The following CNTNAP4 variants were observed in gnomAD, a reference collection of about 807,000 sequenced individuals.
CNTNAP4 encodes the protein contactin associated protein family member 4, also known as contactin-associated protein-like 4.
A neutral mutation model predicts 148.4 loss-of-function variants in CNTNAP4; 98 were observed. The observed-to-expected ratio is 0.66, with a 90% CI of 0.56 to 0.78. The LOEUF is 0.78. CNTNAP4 is among the 30% of genes least tolerant of loss of function. The pLI is 0.00. For synonymous variants in CNTNAP4, 730 were observed against 565.1 expected, an observed-to-expected ratio of 1.29 and a Z score of -4.14; for missense variants, 1,935 against 1,565.6, an observed-to-expected ratio of 1.24 and a Z score of -3.98.
chr16:76,391,634 A>T (rs911391436), intron 3 of CNTNAP4, among the ~76,000 whole-genome samples: 1 of 152,138 alleles, frequency 6.6e-6, no homozygotes. Context: ...CCCACTTCGG[A>T]TCTACCCAAT....
chr16:76,500,205 G>C (rs910945802), intron 15 of CNTNAP4, among the ~76,000 whole-genome samples: 15 of 151,718 alleles, frequency 9.9e-5, no homozygotes, highest in African/African-American at 3.6e-4. Flanking sequence ...CCTCCCTCCC[G>C]GACGGGGCGG....
At chr16:76,454,127 T>TTTC (rs1432530776) in intron 8 of CNTNAP4, among the ~76,000 whole-genome samples, 1 of 151,292 alleles carries the variant, frequency 6.6e-6, no homozygotes, top group African/African-American at 2.4e-5. Flanking sequence ...TTTTTTTTTT[T>TTTC]TTCTGAGATG....
chr16:76,427,587 G>A lies in CNTNAP4; in HGVS notation c.526G>A (p.Gly176Arg), dbSNP rs770829025. The A allele has an allele frequency of 9.3e-6, 15 of 1,609,678 alleles. No individual in the cohort carries two copies. The highest frequency in any genetic ancestry group is 4.5e-5 in the East Asian group (2 of 44,780). The change falls in exon 4 of 24, where the codon GGA becomes AGA. Residue 176 changes from glycine to arginine, a missense_variant. Coordinates refer to ENST00000611870, the MANE Select transcript of CNTNAP4 (RefSeq NM_033401.5). ...GRIGMRIEVF[G>R]CAYRSEVVDL... is the part of the protein sequence containing the mutation. ...AATTGGAATGCGAATCGAAGTGTTCGGATGTGCATACAGTAAGTGTTTGTT... is the reference window on the plus strand; with the variant it reads ...AATTGGAATGCGAATCGAAGTGTTCAGATGTGCATACAGTAAGTGTTTGTT...
intron 1 of CNTNAP4, among the ~76,000 whole-genome samples, chr16:76,290,806 A>C (rs531773336): frequency 1.2e-4 from 18 of 152,274 alleles, no homozygotes; most frequent in South Asian, 1.0e-3. Context: ...CCACAGAATG[A>C]GTGGCTTAAA....
chr16:76,470,498 A>T lies in CNTNAP4; in HGVS notation c.1655+2975A>T, dbSNP rs867617675. Among the ~76,000 whole-genome samples the T allele has an allele frequency of 3.7e-4, 12 of 32,432 alleles. No homozygotes were observed. In the South Asian group the frequency reaches 7.0e-3, roughly 19 times the overall value. 21.3% of individuals were successfully genotyped at this position (32,432 alleles called of 152,430 possible). ...TCTACTAATAATATATATATATATA[A>T]AATTAGTCGGGCATGGTGGCACATG... On this transcript the variant is annotated intron_variant, in intron 10 of 23. Coordinates refer to ENST00000611870, the MANE Select transcript of CNTNAP4 (RefSeq NM_033401.5).
At position 76,522,206 on chromosome 16, in the gene CNTNAP4, GCC is replaced by G; in HGVS notation, c.2708_2709del (p.Pro903ArgfsTer2). On this transcript the variant is annotated frameshift_variant, in exon 17 of 24. Coordinates refer to ENST00000611870, the MANE Select transcript of CNTNAP4 (RefSeq NM_033401.5). LOFTEE classifies it high-confidence loss of function. ...TCAGCTGACACCAAAGACACAGCCC[GCC>G]CCCGCTGATGGGCATGTCCTGTTAC... is the stretch of plus-strand genomic sequence containing the variant. ...VDQLTPKTQP[A>X]PADGHVLLQL... 1 of 1,613,882 alleles carries G rather than the reference GCC, an allele frequency of 6.2e-7. No individual in the cohort carries two copies. The highest frequency in any genetic ancestry group is 8.5e-7 in the Non-Finnish European group (1 of 1,179,866).
At chr16:76,502,370 CTT>C (rs199615956) in intron 15 of CNTNAP4, among the ~76,000 whole-genome samples, 29 of 130,852 alleles carry the variant, frequency 2.2e-4, no homozygotes, top group East Asian at 4.4e-4. Flanking sequence ...GCCATAGGTA[CTT>C]TTTTTTTTTT....
chr16:76,382,269 A>C (rs970754885), intron 3 of CNTNAP4, among the ~76,000 whole-genome samples: 4 of 152,138 alleles, frequency 2.6e-5, no homozygotes, highest in African/African-American at 9.6e-5. Flanking sequence ...TGGAACAAAT[A>C]AACTATTTGT....
At chr16:76,332,491 T>G (rs563364042) in intron 2 of CNTNAP4, among the ~76,000 whole-genome samples, 2 of 152,274 alleles carry the variant, frequency 1.3e-5, no homozygotes, top group East Asian at 1.9e-4. Flanking sequence ...CTTGAACTCT[T>G]GGGCTCAAGC....
intron 12 of CNTNAP4, among the ~76,000 whole-genome samples, chr16:76,487,893 G>A (rs2082081471): frequency 6.6e-6 from 1 of 152,166 alleles, no homozygotes; most frequent in African/African-American, 2.4e-5. Flanking sequence ...TTGTGACCCA[G>A]TGGATGCTAA....
chr16:76,316,602 A>T, intron 2 of CNTNAP4, 79 bp downstream of exon 2: 5 of 899,800 alleles, frequency 5.6e-6, no homozygotes, highest in Non-Finnish European at 9.1e-6. Flanking sequence ...AGTCATTATG[A>T]ATGATACATG....
At chr16:76,406,809 G>A (rs1374491151) in intron 3 of CNTNAP4, among the ~76,000 whole-genome samples, 1 of 152,182 alleles carries the variant, frequency 6.6e-6, no homozygotes, top group African/African-American at 2.4e-5. Flanking sequence ...CTGGAAGCTA[G>A]CAGAGGTTGG....
At chr16:76,552,851 T>A (rs1012116819) in intron 21 of CNTNAP4, among the ~76,000 whole-genome samples, 11 of 152,156 alleles carry the variant, frequency 7.2e-5, no homozygotes, top group Non-Finnish European at 1.2e-4. Context: ...CTCAATTTTC[T>A]CTCTAGTTTC....
intron 1 of CNTNAP4, among the ~76,000 whole-genome samples, chr16:76,298,482 A>ATGTGTGTGTG (rs1491431951): frequency 8.0e-6 from 1 of 125,698 alleles, no homozygotes; most frequent in African/African-American, 4.1e-5. Flanking sequence ...ATGTGTGTAC[A>ATGTGTGTGTG]TGTATGTGTG....
chr16:76,297,066 T>G (rs1442673719), intron 1 of CNTNAP4, among the ~76,000 whole-genome samples: 1 of 152,170 alleles, frequency 6.6e-6, no homozygotes, highest in Admixed American at 6.6e-5. Flanking sequence ...ATAACTGAAC[T>G]CAAAAGACTT....
At chr16:76,319,144 C>G (rs376217507) in intron 2 of CNTNAP4, among the ~76,000 whole-genome samples, 21 of 152,202 alleles carry the variant, frequency 1.4e-4, no homozygotes, top group African/African-American at 4.8e-4. Context: ...AATCCTAGCA[C>G]TTTGAAAGTC....
At position 76,538,316 on chromosome 16, in the gene CNTNAP4, C is replaced by A. The variant is rs769260762; in HGVS notation, c.3196C>A (p.Leu1066Ile). The A allele has an allele frequency of 1.2e-6, 2 of 1,603,414 alleles. No individual in the cohort carries two copies. Among genetic ancestry groups the A allele is most frequent in the Admixed American group, 1.7e-5 (1 of 57,250 alleles). Residue 1066 changes from leucine to isoleucine, a missense_variant, in exon 19 of 24, where the codon CTT becomes ATT. Physicochemically the swap from Leu to Ile is conservative, Grantham distance 5. Coordinates refer to ENST00000611870, the MANE Select transcript of CNTNAP4 (RefSeq NM_033401.5). ...TGTGAGCTCCTTTTACAAAGAATAC[C>A]TTTCTGTGATCATTGCCAAAAATGG... ...LFVSSFYKEY[L>I]SVIIAKNGSL...
At chr16:76,307,683 C>T (rs1004111644) in intron 1 of CNTNAP4, among the ~76,000 whole-genome samples, 1 of 151,838 alleles carries the variant, frequency 6.6e-6, no homozygotes, top group South Asian at 2.1e-4. Context: ...CTCTGATGCT[C>T]TCTTTACTTT....
intron 1 of CNTNAP4, among the ~76,000 whole-genome samples, chr16:76,282,427 A>T (rs1163162750): frequency 6.6e-6 from 1 of 151,938 alleles, no homozygotes; most frequent in Non-Finnish European, 1.5e-5. Context: ...AGATGTTTTG[A>T]ACAAAAATTC....
Sources: allele counts gnomAD v4.1 joint callset (sites outside exome capture counted in the v4.1 genomes callset), GRCh38; gene constraint gnomAD v4.1.1; transcripts MANE v1.5; gene names NCBI Gene and HGNC (gene_info 2026-07-23, HGNC 2026-07-21).